The following ANKS1B variants were observed in gnomAD, a reference collection of about 807,000 sequenced individuals.
ANKS1B encodes the protein ankyrin repeat and sterile alpha motif domain containing 1B.
In ANKS1B, 36 loss-of-function variants were observed where a neutral mutation model predicts 148.3. The observed-to-expected ratio is 0.24, with a 90% CI of 0.19 to 0.32. The LOEUF is 0.32. Among genes scored for constraint, ANKS1B ranks in the 10% least tolerant of loss-of-function variants. ANKS1B has a pLI of 1.00. For missense variants in ANKS1B, 1,157 were observed against 1,542.6 expected (o/e 0.75, Z 4.19); for synonymous variants, 542 against 560.8 (o/e 0.97, Z 0.47).
At chr12:99,122,255 C>A (rs1490850122) in intron 15 of ANKS1B, among the ~76,000 whole-genome samples, 4 of 151,922 alleles carry the variant, frequency 2.6e-5, no homozygotes, top group African/African-American at 9.7e-5. Context: ...TACTTAAGGT[C>A]ACTAAAAATA....
intron 1 of ANKS1B, among the ~76,000 whole-genome samples, chr12:99,854,663 C>A (rs1468742156): frequency 6.6e-6 from 1 of 152,086 alleles, no homozygotes; most frequent in African/African-American, 2.4e-5. Flanking sequence ...ATCAGGTAAT[C>A]TATAAAGGAA....
intron 9 of ANKS1B, among the ~76,000 whole-genome samples, chr12:99,540,584 T>A (rs1236728389): frequency 6.6e-6 from 1 of 152,022 alleles, no homozygotes; most frequent in East Asian, 1.9e-4. Context: ...CAAAGAAGAA[T>A]TCTGAAGGGA....
rs1031157017 is a variant in ANKS1B at position 99,260,473 on chromosome 12, T to C, written c.1757-13609A>G. ...TTTTTCTCATACGTATCTCAAGAGA[T>C]ACTTCATTTCAAAAGAGCAGGAGAG... On this transcript the variant is annotated intron_variant, in intron 12 of 26. Transcript: ENST00000683438. Among the ~76,000 whole-genome samples the C allele has an allele frequency of 5.3e-5, 8 of 152,188 alleles. No homozygotes were observed. In the East Asian group the frequency reaches 1.5e-3, roughly 29 times the overall value.
intron 17 of ANKS1B, among the ~76,000 whole-genome samples, chr12:99,037,649 C>T (rs2099956374): frequency 6.6e-6 from 1 of 152,272 alleles, no homozygotes; most frequent in East Asian, 1.9e-4. Context: ...ATTTCAAATT[C>T]AGTTTAAGGA....
intron 9 of ANKS1B, among the ~76,000 whole-genome samples, chr12:99,547,684 A>G (rs1310841998): frequency 3.3e-5 from 5 of 152,190 alleles, no homozygotes; most frequent in African/African-American, 4.8e-5. Context: ...CAACATATGT[A>G]ACATTTCAGT....
intron 8 of ANKS1B, among the ~76,000 whole-genome samples, chr12:99,720,135 C>A (rs1040175475): frequency 2.0e-5 from 3 of 152,190 alleles, no homozygotes; most frequent in African/African-American, 7.2e-5. Context: ...GAAATCTATC[C>A]TCAAGGAAAG....
intron 1 of ANKS1B, among the ~76,000 whole-genome samples, chr12:99,905,875 T>C (rs769225337): frequency 2.2e-4 from 33 of 152,088 alleles, no homozygotes; most frequent in Non-Finnish European, 2.9e-4. Context: ...CATTATAAGG[T>C]AGATGGGGTT....
intron 15 of ANKS1B, among the ~76,000 whole-genome samples, chr12:99,099,203 G>A (rs575856102): frequency 7.2e-5 from 11 of 152,292 alleles, no homozygotes; most frequent in South Asian, 2.1e-4. Context: ...GCATGGCATC[G>A]CCCATCCCTG....
At chr12:99,132,490 A>AG (rs1169499670) in intron 15 of ANKS1B, among the ~76,000 whole-genome samples, 1 of 152,100 alleles carries the variant, frequency 6.6e-6, no homozygotes, top group Admixed American at 6.5e-5. Flanking sequence ...TCAAAAAAAA[A>AG]AAAAAGTAAT....
chr12:99,958,560 T>C (rs2095358231), intron 1 of ANKS1B, among the ~76,000 whole-genome samples: 1 of 152,100 alleles, frequency 6.6e-6, no homozygotes, highest in African/African-American at 2.4e-5. Flanking sequence ...TTTTTTTGTA[T>C]TGTTAGCAGA....
At chr12:98,742,883 G>A (rs919359094), downstream of ANKS1B, among the ~76,000 whole-genome samples, 3 of 152,188 alleles carry the variant, frequency 2.0e-5, no homozygotes, top group African/African-American at 7.2e-5. Context: ...AGTGGGCCTT[G>A]CTGCATGTAG....
At chr12:99,328,305 A>G (rs1262295266) in intron 12 of ANKS1B, among the ~76,000 whole-genome samples, 1 of 151,982 alleles carries the variant, frequency 6.6e-6, no homozygotes, top group Non-Finnish European at 1.5e-5. Context: ...AGAGTTGTCC[A>G]GATAGTATCT....
chr12:99,818,662 T>C (rs1453375063), intron 2 of ANKS1B, among the ~76,000 whole-genome samples: 2 of 151,678 alleles, frequency 1.3e-5, no homozygotes, highest in African/African-American at 4.8e-5. Flanking sequence ...AAAATGGAAA[T>C]AGAAATGGAA....
At position 99,289,159 on chromosome 12, in the gene ANKS1B, C is replaced by T. The variant is rs576535079; in HGVS notation, c.1757-42295G>A. The stretch of plus-strand genomic sequence containing the variant: ...AAAATAAGTTTCAAGATAAAAACTA[C>T]AAAAAGTGATAAAAGGGTTATTATA... On this transcript the variant is annotated intron_variant, in intron 12 of 26. Transcript: ENST00000683438. Among the ~76,000 whole-genome samples, 10 of 151,808 alleles carry T rather than the reference C, an allele frequency of 6.6e-5. No homozygotes were observed. In the South Asian group the frequency reaches 1.9e-3, roughly 28 times the overall value.
chr12:98,845,881 A>T (rs754878616), intron 17 of ANKS1B, among the ~76,000 whole-genome samples: 4 of 151,972 alleles, frequency 2.6e-5, no homozygotes, highest in Non-Finnish European at 5.9e-5. Flanking sequence ...CAAAATTTTC[A>T]ATTAATTCAA....
chr12:99,552,305 T>C (rs1337694453), intron 9 of ANKS1B, among the ~76,000 whole-genome samples: 1 of 152,206 alleles, frequency 6.6e-6, no homozygotes, highest in Non-Finnish European at 1.5e-5. Context: ...TCAATGTCTA[T>C]CATGGTGTCT....
At chr12:98,994,891 G>A (rs1375318484) in intron 17 of ANKS1B, among the ~76,000 whole-genome samples, 3 of 152,150 alleles carry the variant, frequency 2.0e-5, no homozygotes, top group Non-Finnish European at 4.4e-5. Context: ...GTCACATTCT[G>A]AGGTACTGGA....
At position 99,984,425 on chromosome 12, in the gene ANKS1B, T is replaced by G; in HGVS notation, c.-188A>C. The G allele has an allele frequency of 7.5e-6, 4 of 535,644 alleles. No homozygotes were observed. Among genetic ancestry groups the G allele is most frequent in the East Asian group, 3.0e-5 (1 of 33,560 alleles). The allele number at this position is 535,644 out of a possible 1,614,324, so 33.2% of individuals were successfully genotyped here. ...TCTCCTCCTCTTCGGGGCGCAGCTT[T>G]TACAATGGGGATCAGACCATGTCTT... On this transcript the variant is annotated 5_prime_UTR_variant, in exon 1 of 27. Coordinates refer to ENST00000683438, the MANE Select transcript of ANKS1B (RefSeq NM_001352186.2).
chr12:99,324,176 A>G (rs1284270857), intron 12 of ANKS1B, among the ~76,000 whole-genome samples: 2 of 152,310 alleles, frequency 1.3e-5, no homozygotes, highest in East Asian at 3.9e-4. Context: ...AGTCCATCCT[A>G]TACACCTAAA....
Sources: allele counts gnomAD v4.1 joint callset (sites outside exome capture counted in the v4.1 genomes callset), GRCh38; gene constraint gnomAD v4.1.1; transcripts MANE v1.5; gene names NCBI Gene and HGNC (gene_info 2026-07-23, HGNC 2026-07-21).